Variants in CTNNA2 observed in about 807,000 individuals in gnomAD.
The protein encoded by CTNNA2 is catenin alpha-2.
A neutral mutation model predicts 101.0 loss-of-function variants in CTNNA2; 42 were observed. That is an observed-to-expected ratio of 0.42 (90% confidence interval 0.32 to 0.54). The LOEUF is 0.54. CTNNA2 is among the 20% of genes least tolerant of loss of function. The probability of loss-of-function intolerance (pLI) is 0.14; values close to 1 mark genes in which losing one functional copy is unlikely to be tolerated. For synonymous variants in CTNNA2, 450 were observed against 456.4 expected, an observed-to-expected ratio of 0.99 and a Z score of 0.18; for missense variants, 871 against 1,223.1, an observed-to-expected ratio of 0.71 and a Z score of 4.29.
At chr2:79,232,823 C>T (rs1254472036) in intron 2 of CTNNA2, among the ~76,000 whole-genome samples, 3 of 151,958 alleles carry the variant, frequency 2.0e-5, no homozygotes, top group East Asian at 1.9e-4. Context: ...AATTTTTATG[C>T]GTGGAGGTGT....
rs867347370 is a variant in CTNNA2 at position 79,649,452 on chromosome 2, T to C, written c.-5-2100T>C. 6.5e-5 allele frequency: 10 copies of C among 154,882 alleles called. No homozygotes were observed. The Middle Eastern group carries it at 5.2e-3, about 81-fold the overall frequency. The allele number at this position is 154,882 out of a possible 1,614,324, so 9.6% of individuals were successfully genotyped here. A position where few individuals can be genotyped will look rare whatever the true frequency, so the allele number is the denominator to read the frequency against. ...TTCTCAGGGAACTTCTCCAGAAACT[T>C]GCAACAGCTGTATCATAAGTACTGG... is the stretch of plus-strand genomic sequence containing the variant. On this transcript the variant is annotated intron_variant, in intron 1 of 18. Coordinates refer to ENST00000402739, the MANE Select transcript of CTNNA2 (RefSeq NM_001282597.3).
At chr2:79,411,170 G>A (rs897388851) in intron 4 of CTNNA2, among the ~76,000 whole-genome samples, 4 of 151,724 alleles carry the variant, frequency 2.6e-5, no homozygotes, top group Non-Finnish European at 4.4e-5. Context: ...TTTTTATCGC[G>A]TCTATTTGAT....
chr2:80,033,645 A>G (rs1331018272), intron 7 of CTNNA2, among the ~76,000 whole-genome samples: 1 of 152,236 alleles, frequency 6.6e-6, no homozygotes, highest in East Asian at 1.9e-4. Flanking sequence ...TGAAGTTTAT[A>G]TGCAAAAATC....
intron 3 of CTNNA2, among the ~76,000 whole-genome samples, chr2:79,323,410 A>G (rs148758660): frequency 0.015 from 2,303 of 152,326 alleles, 26 homozygotes; most frequent in Admixed American, 0.023. Context: ...GCACAAGGTT[A>G]TGAAGCTGGT....
intron 3 of CTNNA2, among the ~76,000 whole-genome samples, chr2:79,825,042 A>G (rs1372042377): frequency 1.3e-5 from 2 of 152,280 alleles, no homozygotes; most frequent in East Asian, 3.9e-4. Flanking sequence ...ATTAAAAATT[A>G]GCTGGGCATG....
chr2:80,251,796 T>G (rs1478589561), intron 7 of CTNNA2, among the ~76,000 whole-genome samples: 1 of 152,182 alleles, frequency 6.6e-6, no homozygotes, highest in Non-Finnish European at 1.5e-5. Context: ...TACAAATACT[T>G]AATTAAGAGT....
intron 7 of CTNNA2, among the ~76,000 whole-genome samples, chr2:79,982,366 C>CATATATAACAT (rs1558698035): frequency 1.6e-5 from 2 of 121,826 alleles, no homozygotes; most frequent in African/African-American, 3.0e-5. Flanking sequence ...ACCTATATAA[C>CATATATAACAT]ATATATATAA....
intron 7 of CTNNA2, among the ~76,000 whole-genome samples, chr2:80,344,221 T>C (rs552726245): frequency 2.6e-5 from 4 of 152,160 alleles, no homozygotes; most frequent in South Asian, 2.1e-4. Context: ...CATGGATTTC[T>C]TTTTTTTCAT....
At chr2:79,552,328 A>G (rs1674158464) in intron 1 of CTNNA2, among the ~76,000 whole-genome samples, 1 of 152,182 alleles carries the variant, frequency 6.6e-6, no homozygotes, top group South Asian at 2.1e-4. Context: ...GACCACAGTG[A>G]TGCAAGGGTG....
chr2:79,718,962 T>C (rs1266550266), intron 2 of CTNNA2, among the ~76,000 whole-genome samples: 1 of 152,002 alleles, frequency 6.6e-6, no homozygotes, highest in South Asian at 2.1e-4. Flanking sequence ...CATGTACAGG[T>C]TTGTTACATG....
At chr2:80,435,824 T>C (rs1236189145) in intron 9 of CTNNA2, among the ~76,000 whole-genome samples, 1 of 152,242 alleles carries the variant, frequency 6.6e-6, no homozygotes, top group Non-Finnish European at 1.5e-5. Flanking sequence ...CCTTTAGTTT[T>C]ACTTTCCATT....
At chr2:79,603,955 C>A (rs2566552) in intron 1 of CTNNA2, among the ~76,000 whole-genome samples, 125,795 of 152,062 alleles carry the variant, frequency 0.83, 52,542 homozygotes, top group African/African-American at 0.94. Context: ...CCTGAGAGAG[C>A]GAGTCCACCA....
chr2:80,379,875 T>C (rs1187854391), intron 7 of CTNNA2, among the ~76,000 whole-genome samples: 1 of 152,166 alleles, frequency 6.6e-6, no homozygotes, highest in African/African-American at 2.4e-5. Context: ...TTTAAGCCTA[T>C]GGACTATTGA....
At chr2:79,436,991 T>C (rs769524153) in intron 4 of CTNNA2, among the ~76,000 whole-genome samples, 4 of 151,928 alleles carry the variant, frequency 2.6e-5, no homozygotes, top group Non-Finnish European at 4.4e-5. Flanking sequence ...CCCAGCACTT[T>C]AGGAGGCTGA....
At chr2:79,587,782 C>T (rs1191026257) in intron 1 of CTNNA2, among the ~76,000 whole-genome samples, 1 of 152,178 alleles carries the variant, frequency 6.6e-6, no homozygotes, top group Non-Finnish European at 1.5e-5. Flanking sequence ...TGGGTTTCCT[C>T]TCTAAACCCA....
intron 7 of CTNNA2, among the ~76,000 whole-genome samples, chr2:80,074,317 A>G (rs913142826): frequency 6.6e-6 from 1 of 152,200 alleles, no homozygotes; most frequent in Non-Finnish European, 1.5e-5. Flanking sequence ...CCATCTGGCT[A>G]CATGTTACCC....
At chr2:79,255,874 C>T (rs951630211) in intron 2 of CTNNA2, among the ~76,000 whole-genome samples, 5 of 152,044 alleles carry the variant, frequency 3.3e-5, no homozygotes, top group Admixed American at 3.3e-4. Context: ...GGTTTGGGAC[C>T]TAACGCTCCT....
At chr2:80,431,762 G>T (rs938694640) in intron 9 of CTNNA2, among the ~76,000 whole-genome samples, 3 of 152,126 alleles carry the variant, frequency 2.0e-5, no homozygotes, top group African/African-American at 7.2e-5. Flanking sequence ...AATCAGCTTG[G>T]TCATTATGTA....
At chr2:79,928,425 T>G (rs1373413587) in intron 7 of CTNNA2, among the ~76,000 whole-genome samples, 2 of 152,228 alleles carry the variant, frequency 1.3e-5, no homozygotes, top group Non-Finnish European at 2.9e-5. Flanking sequence ...TCAAGGAAAT[T>G]ATACCTTGTA....
Sources: allele counts gnomAD v4.1 joint callset (sites outside exome capture counted in the v4.1 genomes callset), GRCh38; gene constraint gnomAD v4.1.1; transcripts MANE v1.5; gene names NCBI Gene and HGNC (gene_info 2026-07-23, HGNC 2026-07-21).